The following DNAJC24 variants were observed in gnomAD, a reference collection of about 807,000 sequenced individuals.
DNAJC24 encodes DnaJ heat shock protein family (Hsp40) member C24.
DNAJC24 carries 17 observed loss-of-function variants against 18.0 expected under a neutral mutation model. That is an observed-to-expected ratio of 0.94 (90% CI 0.65 to 1.42). The LOEUF is 1.42. Among genes scored for constraint, DNAJC24 ranks in the 40% most tolerant of loss-of-function variants. The probability of loss-of-function intolerance (pLI) is 0.00; values close to 1 mark genes in which losing one functional copy is unlikely to be tolerated. For synonymous variants in DNAJC24, 55 were observed against 57.7 expected, an observed-to-expected ratio of 0.95 and a Z score of 0.21; for missense variants, 158 against 175.6, an observed-to-expected ratio of 0.90 and a Z score of 0.57.
rs930187783 is a variant in DNAJC24, at chr11:31,431,807, C to G, written c.*1406C>G. On this transcript the variant is annotated 3_prime_UTR_variant, in exon 5 of 5. Coordinates refer to ENST00000465995, the MANE Select transcript of DNAJC24 (RefSeq NM_181706.5). ...AGCCTGGGCTACAGAGAGCAAGACT[C>G]TGTCTCAAAAAAAATAAAATAAAAT... The G allele has an allele frequency of 2.0e-5, 3 of 150,908 alleles. No homozygotes were observed. Among genetic ancestry groups the G allele is most frequent in the Non-Finnish European group, 2.9e-5 (2 of 67,800 alleles). 9.3% of individuals were successfully genotyped at this position (150,908 alleles called of 1,614,324 possible).
Position 31,432,524 on chromosome 11 carries a change from A to G in DNAJC24, c.*2123A>G. 6.2e-7 allele frequency: 1 copy of G among 1,613,086 alleles called. No individual in the cohort carries two copies. The highest frequency in any genetic ancestry group is 8.5e-7 in the Non-Finnish European group (1 of 1,179,350). On this transcript the variant is annotated 3_prime_UTR_variant, in exon 5 of 5. Transcript: ENST00000465995. ...ACTAATCATCAGAAAATCTGTGGCC[A>G]TTAGGGCTGGCACGTAAAAATCCAA... is the stretch of plus-strand genomic sequence containing the variant.
intron 4 of DNAJC24, chr11:31,427,211 C>A (rs1223074): frequency 0.38 from 57,850 of 151,990 alleles, 14,062 homozygotes; most frequent in African/African-American, 0.69. Flanking sequence ...ACAGAGCCAT[C>A]TGAAACCAAA....
intron 2 of DNAJC24, among the ~76,000 whole-genome samples, chr11:31,411,780 A>T (rs1212568305): frequency 6.6e-6 from 1 of 152,056 alleles, no homozygotes; most frequent in Non-Finnish European, 1.5e-5. Flanking sequence ...ATATCTGTGA[A>T]CTCCCATTTT....
chr11:31,402,078 A>G (rs1952605967), intron 2 of DNAJC24, among the ~76,000 whole-genome samples: 1 of 152,200 alleles, frequency 6.6e-6, no homozygotes, highest in African/African-American at 2.4e-5. Flanking sequence ...AACATCACAG[A>G]GTGCACTTAC....
chr11:31,416,719 A>G lies in DNAJC24; in HGVS notation c.250+1770A>G, dbSNP rs182214202. 3.7e-3 allele frequency: 570 copies of G among 152,304 alleles called. 2 individuals carry two copies. Among genetic ancestry groups the G allele is most frequent in the Non-Finnish European group, 5.5e-3 (375 of 68,012 alleles). 9.4% of individuals were successfully genotyped at this position (152,304 alleles called of 1,614,324 possible). A position where few individuals can be genotyped will look rare whatever the true frequency, so the allele number is the denominator to read the frequency against. On this transcript the variant is annotated intron_variant, in intron 3 of 4. Coordinates refer to ENST00000465995, the MANE Select transcript of DNAJC24 (RefSeq NM_181706.5). ...CAGGAATCATAAAAATATTTTCTCAAGAAGCTACAGGGTGGGGTAGGCCAG... is the reference window on the plus strand; with the variant it reads ...CAGGAATCATAAAAATATTTTCTCAGGAAGCTACAGGGTGGGGTAGGCCAG...
At chr11:31,421,183 G>A (rs544628076) in intron 3 of DNAJC24, among the ~76,000 whole-genome samples, 8 of 152,176 alleles carry the variant, frequency 5.3e-5, no homozygotes, top group Non-Finnish European at 1.2e-4. Context: ...GCAGAGGCAT[G>A]TTAAAGACAA....
intron 3 of DNAJC24, chr11:31,416,067 T>G (rs2133498645): frequency 6.6e-6 from 1 of 152,334 alleles, no homozygotes; most frequent in South Asian, 2.1e-4. Context: ...CTGGAGTATT[T>G]GTTTATAAGA....
rs562592259 is a variant in DNAJC24 at position 31,430,539 on chromosome 11, C to T, written c.*138C>T. 1 of 520,082 alleles carries T rather than the reference C, an allele frequency of 1.9e-6. No homozygotes were observed. The highest frequency in any genetic ancestry group is 3.9e-5 in the Admixed American group (1 of 25,576). The allele number at this position is 520,082 out of a possible 1,614,324, so 32.2% of individuals were successfully genotyped here. A position where few individuals can be genotyped will look rare whatever the true frequency, so the allele number is the denominator to read the frequency against. On this transcript the variant is annotated 3_prime_UTR_variant, in exon 5 of 5. Transcript: ENST00000465995. Reference sequence around the variant, plus strand: ...AAAATATACAATTATCAAGCAGAGACCACCTCAGATTAATAGAGAATGAAT... The same window carrying T: ...AAAATATACAATTATCAAGCAGAGATCACCTCAGATTAATAGAGAATGAAT...
At chr11:31,412,053 A>C (rs1352900383) in intron 2 of DNAJC24, among the ~76,000 whole-genome samples, 2 of 152,230 alleles carry the variant, frequency 1.3e-5, no homozygotes, top group African/African-American at 4.8e-5. Flanking sequence ...GATGGCGAGC[A>C]CCTTATTTCA....
At chr11:31,401,147 T>C (rs541548432) in intron 2 of DNAJC24, among the ~76,000 whole-genome samples, 133 of 152,278 alleles carry the variant, frequency 8.7e-4, no homozygotes, top group African/African-American at 3.0e-3. Flanking sequence ...CACTGGTCAT[T>C]AGTGAAATGC....
At chr11:31,417,970 A>G (rs1952766221) in intron 3 of DNAJC24, among the ~76,000 whole-genome samples, 2 of 152,102 alleles carry the variant, frequency 1.3e-5, no homozygotes, top group South Asian at 4.1e-4. Flanking sequence ...TATTGCATGT[A>G]TGTTTTTTTC....
chr11:31,395,093 C>T (rs1952532300), intron 2 of DNAJC24, among the ~76,000 whole-genome samples: 1 of 152,120 alleles, frequency 6.6e-6, no homozygotes, highest in Admixed American at 6.6e-5. Context: ...CATGTGTACT[C>T]AGTGTTTAGC....
intron 2 of DNAJC24, among the ~76,000 whole-genome samples, chr11:31,411,809 A>G (rs1591916850): frequency 6.6e-6 from 1 of 152,338 alleles, no homozygotes; most frequent in Middle Eastern, 3.4e-3. Flanking sequence ...AGTAACATTT[A>G]CAGGTACCAG....
intron 2 of DNAJC24, among the ~76,000 whole-genome samples, chr11:31,411,422 T>G (rs1952708417): frequency 6.6e-6 from 1 of 152,236 alleles, no homozygotes; most frequent in Non-Finnish European, 1.5e-5. Context: ...TTGGGTGGTT[T>G]CAAATATTTA....
At chr11:31,408,700 A>C (rs1423116133) in intron 2 of DNAJC24, among the ~76,000 whole-genome samples, 1 of 152,130 alleles carries the variant, frequency 6.6e-6, no homozygotes. Context: ...GTATCAAGAA[A>C]GTTTCTTAAT....
chr11:31,387,333 C>G (rs1009918458), intron 2 of DNAJC24, among the ~76,000 whole-genome samples: 1 of 152,162 alleles, frequency 6.6e-6, no homozygotes, highest in Non-Finnish European at 1.5e-5. Context: ...TGAGCCACCA[C>G]AGTCCCAGTG....
intron 2 of DNAJC24, among the ~76,000 whole-genome samples, chr11:31,394,633 TATAAA>T (rs1952528111): frequency 6.6e-6 from 1 of 151,402 alleles, no homozygotes; most frequent in Non-Finnish European, 1.5e-5. Context: ...AAAAGAAAAA[TATAAA>T]ATAAAAGGAA....
chr11:31,415,035 A>G, intron 3 of DNAJC24, 86 bp downstream of exon 3: 1 of 1,442,674 alleles, frequency 6.9e-7, no homozygotes, highest in Non-Finnish European at 9.3e-7. Context: ...ATTTTCCAGC[A>G]TTTGCACCAA....
At chr11:31,414,686 C>A in intron 2 of DNAJC24, 125 bp from the exon 3 acceptor site, 1 of 991,754 alleles carries the variant, frequency 1.0e-6, no homozygotes, top group Non-Finnish European at 1.5e-6. Flanking sequence ...TGTCTCATTG[C>A]CTTGGCATTT....
Sources: allele counts gnomAD v4.1 joint callset (sites outside exome capture counted in the v4.1 genomes callset), GRCh38; gene constraint gnomAD v4.1.1; transcripts MANE v1.5; gene names NCBI Gene and HGNC (gene_info 2026-07-23, HGNC 2026-07-21).